Variants in PRM3 observed in about 807,000 individuals in gnomAD.
PRM3 encodes the protein protamine-3.
For synonymous variants in PRM3, 72 were observed against 58.2 expected, an observed-to-expected ratio of 1.24 and a Z score of -1.08; for missense variants, 160 against 133.1, an observed-to-expected ratio of 1.20 and a Z score of -0.99.
chr16:11,273,548 G>C lies in PRM3; in HGVS notation c.48C>G (p.His16Gln), dbSNP rs755517595. Residue 16 changes from histidine to glutamine, a missense_variant, in exon 1 of 1, where the codon CAC becomes CAG. Physicochemically the swap from His to Gln is conservative, Grantham distance 24 (BLOSUM62 0). Coordinates refer to ENST00000327157, the MANE Select transcript of PRM3 (RefSeq NM_021247.3). The part of the protein sequence containing the change: ...AKLNTGQSPG[H>Q]SPGHSTGHGR... ...CATGGCCCGTGCTGTGGCCTGGGCTGTGGCCTGGGCTCTGGCCTGTGTTGA... is the reference window on the plus strand; with the variant it reads ...CATGGCCCGTGCTGTGGCCTGGGCTCTGGCCTGGGCTCTGGCCTGTGTTGA... 12 of 1,610,708 alleles carry C rather than the reference G, an allele frequency of 7.5e-6. No homozygotes were observed. In the South Asian group the frequency reaches 7.7e-5, roughly 10 times the overall value.
In PRM3 at chr16:11,273,344, C is replaced by G; in HGVS notation, c.252G>C (p.Glu84Asp). The G allele has an allele frequency of 6.5e-7, 1 of 1,544,634 alleles. No individual in the cohort carries two copies. The highest frequency in any genetic ancestry group is 8.7e-7 in the Non-Finnish European group (1 of 1,146,930). The stretch of plus-strand genomic sequence containing the variant: ...GGGCCTCGGCGTTGTCCTTGTGGCC[C>G]TCCTCCTGCCGCTCAGGCTCCAGCA... ...LLLLEPERQE[E>D]GHKDNAEAQQ... The change falls in exon 1 of 1, where the codon GAG becomes GAC. Residue 84 changes from glutamate (E) to aspartate (D), a missense_variant. Glu to Asp is a conservative substitution (Grantham distance 45). Transcript: ENST00000327157.
In PRM3 at chr16:11,273,598, T is replaced by G. The variant is rs751985063; in HGVS notation, c.-3A>C. The G allele has an allele frequency of 2.5e-5, 39 of 1,584,502 alleles. No homozygotes were observed. The highest frequency in any genetic ancestry group is 2.3e-4 in the South Asian group (21 of 89,538). On this transcript the variant is annotated 5_prime_UTR_variant, in exon 1 of 1. Coordinates refer to ENST00000327157, the MANE Select transcript of PRM3 (RefSeq NM_021247.3). ...AGCTTGGCACAGCGGGAACCCATGG[T>G]CTACGTTGCCTGTCTCTCTGGGCAA... is the stretch of plus-strand genomic sequence containing the variant.
chr16:11,273,603 G>A lies in PRM3; in HGVS notation c.-8C>T. On this transcript the variant is annotated 5_prime_UTR_variant, in exon 1 of 1. In the 5' UTR this introduces an upstream ATG that the reference lacks. Transcript: ENST00000327157. ...GGCACAGCGGGAACCCATGGTCTAC[G>A]TTGCCTGTCTCTCTGGGCAAGGAGG... 3.8e-6 allele frequency: 6 copies of A among 1,579,506 alleles called. No homozygotes were observed. The highest frequency in any genetic ancestry group is 2.3e-5 in the South Asian group (2 of 88,854).
rs1452476996 is a variant in PRM3 at position 11,273,317 on chromosome 16, C to T, written c.279G>A (p.Gln93=). The T allele has an allele frequency of 6.5e-7, 1 of 1,544,990 alleles. No individual in the cohort carries two copies. The highest frequency in any genetic ancestry group is 1.2e-5 in the South Asian group (1 of 83,976). The change falls in exon 1 of 1, where the codon CAG becomes CAA. Residue 93 remains glutamine, a synonymous_variant. Transcript: ENST00000327157. ...EEGHKDNAEA[Q]QSPEPKRTPS ...GTGTCCGCTTGGGCTCGGGGCTCTGCTGGGCCTCGGCGTTGTCCTTGTGGC... is the reference window on the plus strand; with the variant it reads ...GTGTCCGCTTGGGCTCGGGGCTCTGTTGGGCCTCGGCGTTGTCCTTGTGGC...
chr16:11,273,395 C>G lies in PRM3; in HGVS notation c.201G>C (p.Glu67Asp), dbSNP rs948352368. The change falls in exon 1 of 1, where the codon GAG (glutamate) becomes GAC (aspartate). Residue 67 changes from glutamate to aspartate, a missense_variant. By Grantham distance (45) the Glu-to-Asp change is conservative. Transcript: ENST00000327157. ...GCAGCAGCTTGCCCTGCACCGGCAG[C>G]TCTTCTTTCTCCTCCTCTTCCCCCT... Reference protein sequence around the residue: ...EEEGEEEEKEELPVQGKLLLL... With the variant: ...EEEGEEEEKEDLPVQGKLLLL... The G allele has an allele frequency of 1.3e-5, 20 of 1,547,566 alleles. No individual in the cohort carries two copies. In the Admixed American group the frequency reaches 2.4e-4, roughly 18 times the overall value.
Position 11,273,341 on chromosome 16 carries a change from G to A in PRM3, c.255C>T (p.Gly85=), listed in dbSNP as rs1397545849. Residue 85 remains glycine, a synonymous_variant, in exon 1 of 1, where the codon GGC becomes GGT. Coordinates refer to ENST00000327157, the MANE Select transcript of PRM3 (RefSeq NM_021247.3). ...GCTGGGCCTCGGCGTTGTCCTTGTG[G>A]CCCTCCTCCTGCCGCTCAGGCTCCA... ...LLLEPERQEE[G]HKDNAEAQQS... 25 of 1,544,698 alleles carry A rather than the reference G, an allele frequency of 1.6e-5. No homozygotes were observed. The highest frequency in any genetic ancestry group is 3.6e-5 in the South Asian group (3 of 84,056).
At position 11,273,482 on chromosome 16, in the gene PRM3, A is replaced by G; in HGVS notation, c.114T>C (p.Cys38=). The change falls in exon 1 of 1, where the codon TGT becomes TGC. Residue 38 remains cysteine (C), a synonymous_variant. Coordinates refer to ENST00000327157, the MANE Select transcript of PRM3 (RefSeq NM_021247.3). ...HESSMKKLMA[C]VSQDNFSLSS... is the part of the protein sequence containing the mutation. ...ACAAGGAGAAGTTATCCTGACTCAC[A>G]CAGGCCATGAGCTTTTTCATGGAGG... 6.3e-7 allele frequency: 1 copy of G among 1,599,068 alleles called. No homozygotes were observed. The highest frequency in any genetic ancestry group is 8.5e-7 in the Non-Finnish European group (1 of 1,172,892).
chr16:11,273,425 C>G lies in PRM3; in HGVS notation c.171G>C (p.Glu57Asp). The stretch of plus-strand genomic sequence containing the variant: ...CTTTCTCCTCCTCTTCCCCCTCCTC[C>G]TCCTCTTCCTCCTCTTCCTCGCCCG... Reference protein sequence around the residue: ...SSAGEEEEEEEEEGEEEEKEE... With the variant: ...SSAGEEEEEEDEEGEEEEKEE... The change falls in exon 1 of 1, where the codon GAG becomes GAC. Residue 57 changes from glutamate (E) to aspartate (D), a missense_variant. Coordinates refer to ENST00000327157, the MANE Select transcript of PRM3 (RefSeq NM_021247.3). 1 of 1,552,848 alleles carries G rather than the reference C, an allele frequency of 6.4e-7. No individual in the cohort carries two copies. Among genetic ancestry groups the G allele is most frequent in the Non-Finnish European group, 8.7e-7 (1 of 1,149,028 alleles).
chr16:11,273,536 G>A lies in PRM3; in HGVS notation c.60C>T (p.His20=), dbSNP rs764956504. The change falls in exon 1 of 1, where the codon CAC becomes CAT. Residue 20 remains histidine, a synonymous_variant. Transcript: ENST00000327157. The part of the protein sequence containing the change: ...TGQSPGHSPG[H]STGHGRGHES... ...CGTGGCCCCGGCCATGGCCCGTGCT[G>A]TGGCCTGGGCTGTGGCCTGGGCTCT... The A allele has an allele frequency of 5.6e-6, 9 of 1,606,942 alleles. No individual in the cohort carries two copies. Among genetic ancestry groups the A allele is most frequent in the Admixed American group, 1.7e-5 (1 of 59,904 alleles).
chr16:11,273,233 C>A lies in PRM3; in HGVS notation c.*51G>T, dbSNP rs370897161. 1 of 1,481,406 alleles carries A rather than the reference C, an allele frequency of 6.8e-7. No individual in the cohort carries two copies. Among genetic ancestry groups the A allele is most frequent in the South Asian group, 1.4e-5 (1 of 73,978 alleles). The allele number at this position is 1,481,406 out of a possible 1,614,324, so 91.8% of individuals were successfully genotyped here. Reference sequence around the variant, plus strand: ...GACTTTTTATTGACTCTTCTCTGAACACTGTCGCCGGAGCAGCAGTGGGCG... The same window carrying A: ...GACTTTTTATTGACTCTTCTCTGAAAACTGTCGCCGGAGCAGCAGTGGGCG... On this transcript the variant is annotated 3_prime_UTR_variant, in exon 1 of 1. Coordinates refer to ENST00000327157, the MANE Select transcript of PRM3 (RefSeq NM_021247.3).
rs1041758636 is a variant in PRM3 at position 11,273,471 on chromosome 16, T to C, written c.125A>G (p.Asp42Gly). The change falls in exon 1 of 1, where the codon GAT becomes GGT. Residue 42 changes from aspartate to glycine, a missense_variant. Transcript: ENST00000327157. ...MKKLMACVSQ[D>G]NFSLSSAGEE... is the part of the protein sequence containing the mutation. ...GCCCGCTGATGACAAGGAGAAGTTATCCTGACTCACACAGGCCATGAGCTT... is the reference window on the plus strand; with the variant it reads ...GCCCGCTGATGACAAGGAGAAGTTACCCTGACTCACACAGGCCATGAGCTT... The C allele has an allele frequency of 1.9e-6, 3 of 1,589,690 alleles. No individual in the cohort carries two copies. Among genetic ancestry groups the C allele is most frequent in the African/African-American group, 2.7e-5 (2 of 74,530 alleles).
chr16:11,273,414 T>C lies in PRM3; in HGVS notation c.182A>G (p.Glu61Gly). Residue 61 changes from glutamate (E) to glycine (G), a missense_variant, in exon 1 of 1, where the codon GAA becomes GGA. Glu to Gly is a moderately conservative substitution (Grantham distance 98). Coordinates refer to ENST00000327157, the MANE Select transcript of PRM3 (RefSeq NM_021247.3). ...EEEEEEEEEG[E>G]EEEKEELPVQ... Reference sequence around the variant, plus strand: ...CGGCAGCTCTTCTTTCTCCTCCTCTTCCCCCTCCTCCTCCTCTTCCTCCTC... The same window carrying C: ...CGGCAGCTCTTCTTTCTCCTCCTCTCCCCCCTCCTCCTCCTCTTCCTCCTC... 2 of 1,550,276 alleles carry C rather than the reference T, an allele frequency of 1.3e-6. No individual in the cohort carries two copies. The highest frequency in any genetic ancestry group is 1.7e-6 in the Non-Finnish European group (2 of 1,148,088).
In PRM3 at chr16:11,273,494, C is replaced by G. The variant is rs781379400; in HGVS notation, c.102G>C (p.Lys34Asn). The G allele has an allele frequency of 5.0e-6, 8 of 1,606,750 alleles. No individual in the cohort carries two copies. The highest frequency in any genetic ancestry group is 1.7e-4 in the Middle Eastern group (1 of 6,056). ...TATCCTGACTCACACAGGCCATGAG[C>G]TTTTTCATGGAGGATTCGTGGCCCC... ...HGRGHESSMK[K>N]LMACVSQDNF... Residue 34 changes from lysine to asparagine, a missense_variant, in exon 1 of 1, where the codon AAG (lysine) becomes AAC (asparagine). Physicochemically the swap from Lys to Asn is moderately conservative, Grantham distance 94. Coordinates refer to ENST00000327157, the MANE Select transcript of PRM3 (RefSeq NM_021247.3).
At position 11,273,446 on chromosome 16, in the gene PRM3, G is replaced by A. The variant is rs763652692; in HGVS notation, c.150C>T (p.Gly50=). 1.7e-5 allele frequency: 27 copies of A among 1,560,866 alleles called. No individual in the cohort carries two copies. The highest frequency in any genetic ancestry group is 1.4e-4 in the Admixed American group (7 of 51,812). Residue 50 remains glycine (G), a synonymous_variant, in exon 1 of 1, where the codon GGC becomes GGT. Coordinates refer to ENST00000327157, the MANE Select transcript of PRM3 (RefSeq NM_021247.3). The stretch of plus-strand genomic sequence containing the variant: ...CCTCCTCCTCTTCCTCCTCTTCCTC[G>A]CCCGCTGATGACAAGGAGAAGTTAT... The part of the protein sequence containing the change: ...SQDNFSLSSA[G]EEEEEEEEEG...
Position 11,273,534 on chromosome 16 carries a change from C to T in PRM3, c.62G>A (p.Ser21Asn). ...GQSPGHSPGH[S>N]TGHGRGHESS... ...TTCGTGGCCCCGGCCATGGCCCGTG[C>T]TGTGGCCTGGGCTGTGGCCTGGGCT... is the stretch of plus-strand genomic sequence containing the variant. The change falls in exon 1 of 1, where the codon AGC becomes AAC. Residue 21 changes from serine (S) to asparagine (N), a missense_variant. Transcript: ENST00000327157. The T allele has an allele frequency of 1.2e-6, 2 of 1,607,746 alleles. No homozygotes were observed. The highest frequency in any genetic ancestry group is 1.1e-5 in the South Asian group (1 of 91,016).
Position 11,273,281 on chromosome 16 carries a change from G to T in PRM3, c.*3C>A, listed in dbSNP as rs780277015. 2 of 1,529,678 alleles carry T rather than the reference G, an allele frequency of 1.3e-6. No homozygotes were observed. Among genetic ancestry groups the T allele is most frequent in the South Asian group, 1.2e-5 (1 of 82,804 alleles). The allele number at this position is 1,529,678 out of a possible 1,614,324, so 94.8% of individuals were successfully genotyped here. A position where few individuals can be genotyped will look rare whatever the true frequency, so the allele number is the denominator to read the frequency against. ...GCGTCCCTTCCTGGGCCTTCGTTGC[G>T]GGTCAGGAGGGTGTCCGCTTGGGCT... On this transcript the variant is annotated 3_prime_UTR_variant, in exon 1 of 1. Coordinates refer to ENST00000327157, the MANE Select transcript of PRM3 (RefSeq NM_021247.3).
At position 11,273,203 on chromosome 16, in the gene PRM3, T is replaced by C; in HGVS notation, c.*81A>G. ...GGGAACCAGAGACAGGGAGGATTCCTCAGAGACTTTTTATTGACTCTTCTC... is the reference window on the plus strand; with the variant it reads ...GGGAACCAGAGACAGGGAGGATTCCCCAGAGACTTTTTATTGACTCTTCTC... On this transcript the variant is annotated 3_prime_UTR_variant, in exon 1 of 1. Transcript: ENST00000327157. The C allele has an allele frequency of 1.4e-6, 2 of 1,451,260 alleles. No individual in the cohort carries two copies. Among genetic ancestry groups the C allele is most frequent in the Admixed American group, 2.6e-5 (1 of 38,642 alleles). 89.9% of individuals were successfully genotyped at this position (1,451,260 alleles called of 1,614,324 possible). A position where few individuals can be genotyped will look rare whatever the true frequency, so the allele number is the denominator to read the frequency against.
rs766957133 is a variant in PRM3, at chr16:11,273,456, GA to G, written c.139del (p.Ser47HisfsTer81). 6.3e-6 allele frequency: 10 copies of G among 1,574,852 alleles called. No individual in the cohort carries two copies. In the South Asian group the frequency reaches 1.0e-4, roughly 16 times the overall value. ...ACVSQDNFSL[S>X]SAGEEEEEEE... Reference sequence around the variant, plus strand: ...TTCCTCCTCTTCCTCGCCCGCTGATGACAAGGAGAAGTTATCCTGACTCACA... The same window carrying G: ...TTCCTCCTCTTCCTCGCCCGCTGATGCAAGGAGAAGTTATCCTGACTCACA... On this transcript the variant is annotated frameshift_variant, in exon 1 of 1. Coordinates refer to ENST00000327157, the MANE Select transcript of PRM3 (RefSeq NM_021247.3). LOFTEE classifies it low-confidence loss of function (END_TRUNC).
At position 11,273,239 on chromosome 16, in the gene PRM3, C is replaced by T. The variant is rs1297433874; in HGVS notation, c.*45G>A. The T allele has an allele frequency of 1.7e-5, 26 of 1,488,034 alleles. No homozygotes were observed. Among genetic ancestry groups the T allele is most frequent in the African/African-American group, 2.8e-5 (2 of 71,298 alleles). The allele number at this position is 1,488,034 out of a possible 1,614,324, so 92.2% of individuals were successfully genotyped here. On this transcript the variant is annotated 3_prime_UTR_variant, in exon 1 of 1. Transcript: ENST00000327157. ...TTATTGACTCTTCTCTGAACACTGT[C>T]GCCGGAGCAGCAGTGGGCGTCCCTT...
Sources: gnomAD v4.1 joint callset for allele counts on GRCh38, gnomAD v4.1.1 for gene constraint, MANE v1.5 for transcripts, NCBI Gene and HGNC (gene_info 2026-07-23, HGNC 2026-07-21) for gene names.